Variants in OCLN observed in about 807,000 individuals in gnomAD.
The protein encoded by OCLN is phosphatase 1, regulatory subunit 115.
OCLN carries 21 observed loss-of-function variants against 47.9 expected under a neutral mutation model. The ratio of observed to expected loss-of-function variants is 0.44; its 90% CI spans 0.31 to 0.63. OCLN has a LOEUF of 0.63. Among genes scored for constraint, OCLN ranks in the 30% least tolerant of loss-of-function variants. The pLI is 0.08. For synonymous variants in OCLN, 117 were observed against 198.4 expected, an observed-to-expected ratio of 0.59 and a Z score of 3.45; for missense variants, 360 against 571.0, an observed-to-expected ratio of 0.63 and a Z score of 3.77.
In OCLN at chr5:69,507,198, A is replaced by C. The variant is rs553254811; in HGVS notation, c.51-1943A>C. On this transcript the variant is annotated intron_variant, in intron 2 of 8. Transcript: ENST00000396442. ...TGCCCAGGCTGGAGTGCAGTGGCAC[A>C]ATCTTGGCTCACTGCAACCTCCACT... Among the ~76,000 whole-genome samples, 17 of 151,926 alleles carry C rather than the reference A, an allele frequency of 1.1e-4. No homozygotes were observed. The South Asian group carries it at 3.5e-3, about 32-fold the overall frequency.
At chr5:69,530,326 T>A (rs1313817912) in intron 4 of OCLN, among the ~76,000 whole-genome samples, 1 of 152,230 alleles carries the variant, frequency 6.6e-6, no homozygotes, top group African/African-American at 2.4e-5. Flanking sequence ...TAATAGGAAA[T>A]ACAGGTTGGG....
At chr5:69,536,799 T>C (rs1445765791) in intron 5 of OCLN, among the ~76,000 whole-genome samples, 1 of 151,830 alleles carries the variant, frequency 6.6e-6, no homozygotes, top group Non-Finnish European at 1.5e-5. Context: ...AAACCCCGTG[T>C]CTACTAAAAG....
chr5:69,521,736 A>T (rs1769143778), intron 4 of OCLN, among the ~76,000 whole-genome samples: 1 of 152,192 alleles, frequency 6.6e-6, no homozygotes, highest in South Asian at 2.1e-4. Flanking sequence ...TCAGTTCCCA[A>T]CATTTTTTTC....
At chr5:69,519,798 C>T (rs886129643) in intron 4 of OCLN, among the ~76,000 whole-genome samples, 7 of 152,042 alleles carry the variant, frequency 4.6e-5, no homozygotes, top group Admixed American at 2.0e-4. Context: ...GTCCTGTAGT[C>T]GGTGGAACCC....
At chr5:69,547,185 CTA>C (rs1769733274) in intron 6 of OCLN, among the ~76,000 whole-genome samples, 1 of 151,096 alleles carries the variant, frequency 6.6e-6, no homozygotes, top group Non-Finnish European at 1.5e-5. Context: ...AGTCTGAAAA[CTA>C]TGGGTGGTAG....
chr5:69,519,413 G>C (rs1769069567), intron 4 of OCLN, among the ~76,000 whole-genome samples: 1 of 152,108 alleles, frequency 6.6e-6, no homozygotes, highest in Non-Finnish European at 1.5e-5. Flanking sequence ...ATAATTCCCT[G>C]TCCCTGTTGG....
chr5:69,497,339 A>G (rs1025234498), intron 1 of OCLN, among the ~76,000 whole-genome samples: 14 of 145,848 alleles, frequency 9.6e-5, no homozygotes, highest in Non-Finnish European at 1.8e-4. Context: ...CAGGCCAAAC[A>G]TTTCCTGTTT....
At position 69,515,397 on chromosome 5, in the gene OCLN, C is replaced by T. The variant is rs548634035; in HGVS notation, c.891+1288C>T. On this transcript the variant is annotated intron_variant, in intron 4 of 8. Coordinates refer to ENST00000396442, the MANE Select transcript of OCLN (RefSeq NM_001205254.2). ...TCACCTCCCAGACAGGGCGGCTGGC[C>T]GGGCAGGGGGCTGACCCCCCTACCT... Among the ~76,000 whole-genome samples the T allele has an allele frequency of 2.1e-3, 304 of 143,610 alleles. 1 individual carries two copies. The highest frequency in any genetic ancestry group is 7.3e-3 in the African/African-American group (283 of 38,760). The allele number at this position is 143,610 out of a possible 152,430, so 94.2% of individuals were successfully genotyped here. A position where few individuals can be genotyped will look rare whatever the true frequency, so the allele number is the denominator to read the frequency against.
rs990760873 is a variant in OCLN at position 69,493,607 on chromosome 5, C to G, written c.-69+707C>G. Among the ~76,000 whole-genome samples, 1 of 152,108 alleles carries G rather than the reference C, an allele frequency of 6.6e-6. No homozygotes were observed. The highest frequency in any genetic ancestry group is 2.1e-4 in the South Asian group (1 of 4,830). On this transcript the variant is annotated intron_variant, in intron 1 of 8. Transcript: ENST00000396442. This position sits in a 1 kb window ranked among gnomAD's most constrained non-coding sequence, Gnocchi z 5.3. ...GCTGCTCACGCTTCGGATTCTCATC[C>G]GTGACCAAAAGGGCTGCCCCCAGGG...
In OCLN at chr5:69,509,297, T is replaced by C. The variant is rs1221996183; in HGVS notation, c.207T>C (p.Ser69=). The C allele has an allele frequency of 7.4e-6, 12 of 1,614,106 alleles. No individual in the cohort carries two copies. Among genetic ancestry groups the C allele is most frequent in the Non-Finnish European group, 1.0e-5 (12 of 1,180,052 alleles). Residue 69 remains serine, a synonymous_variant, in exon 3 of 9, where the codon TCT becomes TCC. Transcript: ENST00000396442. ...CTCCAGGAGTGATTCGGATCCTGTC[T>C]ATGCTCATTATTGTGATGTGCATTG... The part of the protein sequence containing the change: ...TSPPGVIRIL[S]MLIIVMCIAI...
chr5:69,495,062 T>A (rs976753963), intron 1 of OCLN, among the ~76,000 whole-genome samples: 1 of 152,220 alleles, frequency 6.6e-6, no homozygotes. Flanking sequence ...ATTACTACCT[T>A]TTCAAAATAG....
At chr5:69,512,036 A>AAC (rs3066092) in intron 3 of OCLN, among the ~76,000 whole-genome samples, 1 of 147,642 alleles carries the variant, frequency 6.8e-6, no homozygotes, top group South Asian at 2.1e-4. Flanking sequence ...AAAAAAAAAA[A>AAC]AAAAAAAAAT....
chr5:69,523,751 G>C (rs1045713649), intron 4 of OCLN, among the ~76,000 whole-genome samples: 8 of 151,968 alleles, frequency 5.3e-5, no homozygotes, highest in African/African-American at 1.9e-4. Flanking sequence ...GGCCAGGCTG[G>C]TCTCAAACTC....
chr5:69,526,031 T>A (rs1045241814), intron 4 of OCLN, among the ~76,000 whole-genome samples: 1 of 152,124 alleles, frequency 6.6e-6, no homozygotes, highest in Non-Finnish European at 1.5e-5. Context: ...GACCCTTAAC[T>A]TGTAGGTCTT....
At position 69,509,227 on chromosome 5, in the gene OCLN, T is replaced by C. The variant is rs1343177731; in HGVS notation, c.137T>C (p.Phe46Ser). The C allele has an allele frequency of 6.2e-7, 1 of 1,614,228 alleles. No individual in the cohort carries two copies. Among genetic ancestry groups the C allele is most frequent in the Non-Finnish European group, 8.5e-7 (1 of 1,180,010 alleles). Residue 46 changes from phenylalanine to serine, a missense_variant, in exon 3 of 9, where the codon TTT (phenylalanine) becomes TCT (serine). By Grantham distance (155) the Phe-to-Ser change is radical. Transcript: ENST00000396442. ...ATGCTCTCTCAGCCAGCCTACTCTT[T>C]TTACCCAGAAGATGAAATTCTTCAC... ...RPMLSQPAYS[F>S]YPEDEILHFY...
At chr5:69,529,651 T>G (rs1340310687) in intron 4 of OCLN, among the ~76,000 whole-genome samples, 2 of 152,182 alleles carry the variant, frequency 1.3e-5, no homozygotes, top group African/African-American at 4.8e-5. Context: ...TCACCCAGGC[T>G]GGAGTACAGT....
intron 1 of OCLN, among the ~76,000 whole-genome samples, chr5:69,497,798 G>C (rs1379280331): frequency 2.0e-5 from 3 of 152,144 alleles, no homozygotes; most frequent in Non-Finnish European, 2.9e-5. Flanking sequence ...TCCTAGATAT[G>C]AGCACTATTT....
intron 4 of OCLN, among the ~76,000 whole-genome samples, chr5:69,515,841 C>G (rs1450061637): frequency 6.6e-6 from 1 of 150,718 alleles, no homozygotes; most frequent in African/African-American, 2.4e-5. Flanking sequence ...GGTAGAGGCG[C>G]TCCTCACATC....
intron 4 of OCLN, among the ~76,000 whole-genome samples, chr5:69,515,456 G>C (rs1282612053): frequency 7.5e-6 from 1 of 133,614 alleles, no homozygotes; most frequent in Admixed American, 7.2e-5. Flanking sequence ...CGGGCAGAGG[G>C]GCTCCTCACT....
Sources: allele counts gnomAD v4.1 joint callset (sites outside exome capture counted in the v4.1 genomes callset), GRCh38; gene constraint gnomAD v4.1.1; non-coding constraint Gnocchi (gnomAD v3.1); transcripts MANE v1.5; gene names NCBI Gene and HGNC (gene_info 2026-07-23, HGNC 2026-07-21).